The following ADCY5 variants were observed in gnomAD, a reference collection of about 807,000 sequenced individuals.
The protein encoded by ADCY5 is adenylate cyclase type 5.
A neutral mutation model predicts 119.7 loss-of-function variants in ADCY5; 30 were observed. That is an observed-to-expected ratio of 0.25 (90% CI 0.19 to 0.34). ADCY5 has a LOEUF of 0.34. Among genes scored for constraint, ADCY5 ranks in the 10% least tolerant of loss-of-function variants. The pLI is 1.00. For missense variants in ADCY5, 1,324 were observed against 1,775.2 expected, an observed-to-expected ratio of 0.75 and a Z score of 4.57; for synonymous variants, 753 against 762.2, an observed-to-expected ratio of 0.99 and a Z score of 0.20.
rs916088624 is a variant in ADCY5 at position 123,286,954 on chromosome 3, A to G, written c.3533-145T>C. ...GGCCCAAGGCTGTGCTAAACCCTGC[A>G]GCCTCCCGCTACCCTGCTCCTGTCA... is the stretch of plus-strand genomic sequence containing the variant. On this transcript the variant is annotated intron_variant, in intron 19 of 20. Coordinates refer to ENST00000462833, the MANE Select transcript of ADCY5 (RefSeq NM_183357.3). This position sits in a 1 kb window ranked among gnomAD's most constrained non-coding sequence, Gnocchi z 4.2. 1 of 1,125,184 alleles carries G rather than the reference A, an allele frequency of 8.9e-7. No individual in the cohort carries two copies. The highest frequency in any genetic ancestry group is 1.6e-5 in the African/African-American group (1 of 63,272). 69.7% of individuals were successfully genotyped at this position (1,125,184 alleles called of 1,614,324 possible).
At chr3:123,297,271 TCCCACCTGGGC>T in intron 16 of ADCY5, 71 bp downstream of exon 16, 1 of 1,559,012 alleles carries the variant, frequency 6.4e-7, no homozygotes, top group Non-Finnish European at 8.8e-7. Context: ...CCAAGGCCCC[TCCCACCTGGGC>T]ACCAGCTGCC....
At chr3:123,376,013 A>C (rs1487006531) in intron 1 of ADCY5, among the ~76,000 whole-genome samples, 1 of 150,580 alleles carries the variant, frequency 6.6e-6, no homozygotes, top group African/African-American at 2.4e-5. Context: ...TGTTGAGAGC[A>C]TGTGTGCAGT....
chr3:123,320,536 T>A lies in ADCY5; in HGVS notation c.2111+213A>T, dbSNP rs562126163. ...TAAAATGGGCAGTGCTGAGGCTCTG[T>A]CCTTCTGCTGGGTGGCCTGGGCTTC... is the stretch of plus-strand genomic sequence containing the variant. On this transcript the variant is annotated intron_variant, in intron 9 of 20. Transcript: ENST00000462833. 1.2e-3 allele frequency among the ~76,000 whole-genome samples: 188 copies of A among 152,304 alleles called. No homozygotes were observed. Among genetic ancestry groups the A allele is most frequent in the Middle Eastern group, 3.4e-3 (1 of 294 alleles).
chr3:123,349,792 C>A (rs1484604483), intron 2 of ADCY5, among the ~76,000 whole-genome samples: 1 of 152,200 alleles, frequency 6.6e-6, no homozygotes, highest in Non-Finnish European at 1.5e-5. Context: ...CAGGGCCAGA[C>A]TGGATGACCA....
intron 11 of ADCY5, 119 bp downstream of exon 11, chr3:123,317,901 C>A (rs1462244612): frequency 2.2e-6 from 2 of 896,056 alleles, no homozygotes; most frequent in South Asian, 3.1e-5. Context: ...AACTTCTCTC[C>A]GTGCCTGAGC....
Position 123,395,165 on chromosome 3 carries a change from G to A in ADCY5, c.1135-42584C>T, listed in dbSNP as rs75731126. 1.3e-3 allele frequency among the ~76,000 whole-genome samples: 196 copies of A among 152,326 alleles called. 3 individuals carry two copies. In the East Asian group the frequency reaches 0.035, roughly 27 times the overall value. The stretch of plus-strand genomic sequence containing the variant: ...TTCAGGCCAATGCCCAGACCCAGAG[G>A]GGAATGTCAGTCCCTTGTCCCCTGG... On this transcript the variant is annotated intron_variant, in intron 1 of 20. Transcript: ENST00000462833.
At chr3:123,327,450 C>T (rs148867867) in intron 7 of ADCY5, among the ~76,000 whole-genome samples, 168 bp downstream of exon 7, 15 of 152,370 alleles carry the variant, frequency 9.8e-5, no homozygotes, top group African/African-American at 3.4e-4. Context: ...TCTTTACCAT[C>T]CTTTTTGCAA....
chr3:123,304,269 A>G, intron 12 of ADCY5, 86 bp from the exon 13 acceptor site: 1 of 873,090 alleles, frequency 1.1e-6, no homozygotes, highest in Non-Finnish European at 1.9e-6. Context: ...CCGGGAGTGC[A>G]GTGGACCCAC....
chr3:123,376,941 G>A, intron 1 of ADCY5, among the ~76,000 whole-genome samples: 1 of 152,292 alleles, frequency 6.6e-6, no homozygotes, highest in Non-Finnish European at 1.5e-5. Context: ...TGCATCCTCT[G>A]GTGTTTGGAG....
At chr3:123,326,562 G>A (rs1405544991) in intron 7 of ADCY5, among the ~76,000 whole-genome samples, 3 of 152,188 alleles carry the variant, frequency 2.0e-5, no homozygotes, top group Non-Finnish European at 2.9e-5. Context: ...CCCAGGCACT[G>A]AGAGATGTGG....
At chr3:123,315,045 A>T (rs1328115140) in intron 11 of ADCY5, among the ~76,000 whole-genome samples, 1 of 152,148 alleles carries the variant, frequency 6.6e-6, no homozygotes, top group Non-Finnish European at 1.5e-5. Flanking sequence ...CAGACAAAAG[A>T]GCTGTAAGTG....
intron 16 of ADCY5, 67 bp downstream of exon 16, chr3:123,297,286 A>C: frequency 6.3e-7 from 1 of 1,580,892 alleles, no homozygotes; most frequent in Non-Finnish European, 8.7e-7. Context: ...CCTGGGCACC[A>C]GCTGCCCTCC....
At chr3:123,367,870 G>A in intron 1 of ADCY5, 1 of 1,522,870 alleles carries the variant, frequency 6.6e-7, no homozygotes, top group Non-Finnish European at 8.7e-7. Flanking sequence ...AAACACCAAA[G>A]AGAAAATGAA....
At chr3:123,398,998 C>A (rs1468164195) in intron 1 of ADCY5, among the ~76,000 whole-genome samples, 1 of 152,248 alleles carries the variant, frequency 6.6e-6, no homozygotes, top group African/African-American at 2.4e-5. Flanking sequence ...GGCCATCCAG[C>A]TATCCCCTTA....
chr3:123,357,337 A>G (rs1943076086), intron 1 of ADCY5, among the ~76,000 whole-genome samples: 2 of 151,976 alleles, frequency 1.3e-5, no homozygotes, highest in Admixed American at 6.6e-5. Context: ...CCTCTTTCTG[A>G]GGCCAGAAAG....
chr3:123,406,445 C>T (rs1944903414), intron 1 of ADCY5, among the ~76,000 whole-genome samples: 1 of 152,240 alleles, frequency 6.6e-6, no homozygotes, highest in African/African-American at 2.4e-5. Flanking sequence ...CTGTTGGCCA[C>T]ACCATACCTG....
chr3:123,399,001 T>C (rs1944681934), intron 1 of ADCY5, among the ~76,000 whole-genome samples: 1 of 152,188 alleles, frequency 6.6e-6, no homozygotes, highest in Non-Finnish European at 1.5e-5. Context: ...CATCCAGCTA[T>C]CCCCTTAGAA....
At chr3:123,400,509 G>T (rs1944720913) in intron 1 of ADCY5, among the ~76,000 whole-genome samples, 1 of 152,168 alleles carries the variant, frequency 6.6e-6, no homozygotes, top group African/African-American at 2.4e-5. Context: ...TAACAAACTG[G>T]AAATGAGCTA....
chr3:123,434,326 T>C (rs959882442), intron 1 of ADCY5, among the ~76,000 whole-genome samples: 7 of 152,118 alleles, frequency 4.6e-5, no homozygotes, highest in African/African-American at 1.7e-4. Context: ...GCTTACAGAG[T>C]GCCCTCACCT....
Sources: allele counts gnomAD v4.1 joint callset (sites outside exome capture counted in the v4.1 genomes callset), GRCh38; gene constraint gnomAD v4.1.1; non-coding constraint Gnocchi (gnomAD v3.1); transcripts MANE v1.5; gene names NCBI Gene and HGNC (gene_info 2026-07-23, HGNC 2026-07-21).